EPHB1: variants seen among roughly 807,000 people sequenced by gnomAD.
The protein encoded by EPHB1 is ephrin type-B receptor 1.
In EPHB1, 30 loss-of-function variants were observed where a neutral mutation model predicts 94.4. The observed-to-expected ratio is 0.32, with a 90% confidence interval of 0.24 to 0.43. The LOEUF is 0.43. Among genes scored for constraint, EPHB1 ranks in the 20% least tolerant of loss-of-function variants. EPHB1 has a pLI of 1.00. For missense variants in EPHB1, 1,055 were observed against 1,308.3 expected (o/e 0.81, Z 2.99); for synonymous variants, 522 against 489.1 (o/e 1.07, Z -0.89).
In EPHB1 at chr3:134,952,044, C is replaced by T. The variant is rs1432628958; in HGVS notation, c.797C>T (p.Ala266Val). Residue 266 changes from alanine (A) to valine (V), a missense_variant, in exon 3 of 16, where the codon GCA becomes GTA. Ala to Val is a moderately conservative substitution (Grantham distance 64). Transcript: ENST00000398015. The stretch of plus-strand genomic sequence containing the variant: ...GGCTATGAGCCTGAGAACAGCGTGG[C>T]ATGCAAGGGTAAGCTTTGGAGCCTC... ...KPGYEPENSV[A>V]CKACPAGTFK... 1 of 1,601,798 alleles carries T rather than the reference C, an allele frequency of 6.2e-7. No homozygotes were observed. The highest frequency in any genetic ancestry group is 8.5e-7 in the Non-Finnish European group (1 of 1,171,768).
chr3:135,041,095 C>T (rs1029539754), intron 3 of EPHB1, among the ~76,000 whole-genome samples: 1 of 152,200 alleles, frequency 6.6e-6, no homozygotes, highest in Non-Finnish European at 1.5e-5. Flanking sequence ...CCTGGGGCCT[C>T]TTCCCTGGGC....
intron 10 of EPHB1, among the ~76,000 whole-genome samples, chr3:135,182,883 G>A (rs1252896640): frequency 6.6e-6 from 1 of 152,124 alleles, no homozygotes; most frequent in Non-Finnish European, 1.5e-5. Flanking sequence ...CTTGACATCA[G>A]CCATAGTAGA....
At chr3:135,065,669 A>G (rs1456098807) in intron 3 of EPHB1, among the ~76,000 whole-genome samples, 13 of 152,224 alleles carry the variant, frequency 8.5e-5, no homozygotes, top group Non-Finnish European at 1.9e-4. Context: ...TAAGTGGAGC[A>G]TTTAGACCAT....
chr3:134,977,919 A>G (rs1215502866), intron 3 of EPHB1: 2 of 453,642 alleles, frequency 4.4e-6, no homozygotes, highest in South Asian at 1.6e-5. Flanking sequence ...GAGAGAATGG[A>G]AGGAGGCACT....
rs1263952657 is a variant in EPHB1 at position 135,259,329 on chromosome 3, A to G, written c.*209A>G. 1 of 395,882 alleles carries G rather than the reference A, an allele frequency of 2.5e-6. No homozygotes were observed. Among genetic ancestry groups the G allele is most frequent in the African/African-American group, 2.0e-5 (1 of 49,210 alleles). The allele number at this position is 395,882 out of a possible 1,614,324, so 24.5% of individuals were successfully genotyped here. ...TGTTTGAGATGCCGTGGGAAACCAA[A>G]TATATAATAATAAAAATATAAAAAG... is the stretch of plus-strand genomic sequence containing the variant. On this transcript the variant is annotated 3_prime_UTR_variant, in exon 16 of 16. Coordinates refer to ENST00000398015, the MANE Select transcript of EPHB1 (RefSeq NM_004441.5).
At chr3:134,892,047 C>G (rs1232384941) in intron 1 of EPHB1, among the ~76,000 whole-genome samples, 2 of 152,200 alleles carry the variant, frequency 1.3e-5, no homozygotes, top group Non-Finnish European at 2.9e-5. Context: ...CAGATCCTCT[C>G]CAAACTTTTG....
chr3:134,974,316 C>T (rs1415970833), intron 3 of EPHB1, among the ~76,000 whole-genome samples: 1 of 151,990 alleles, frequency 6.6e-6, no homozygotes, highest in Non-Finnish European at 1.5e-5. Flanking sequence ...GCCAGACTGC[C>T]TGGGTTGGAA....
intron 1 of EPHB1, among the ~76,000 whole-genome samples, chr3:134,843,919 C>T (rs2036821491): frequency 6.6e-6 from 1 of 151,988 alleles, no homozygotes; most frequent in South Asian, 2.1e-4. Context: ...TGATTGCTTT[C>T]TTTCTTGAGT....
chr3:135,164,769 ACTGCACTCCACC>A lies in EPHB1; in HGVS notation c.1586-1195_1586-1184del, dbSNP rs1941603045. On this transcript the variant is annotated intron_variant, in intron 7 of 15. Transcript: ENST00000398015. ...GGTTACAGTGAGCCAAGATTGTGCC[ACTGCACTCCACC>A]CTGGGTGACAGAGCAAGACTGTCTC... 2.1e-5 allele frequency among the ~76,000 whole-genome samples: 3 copies of A among 142,738 alleles called. No homozygotes were observed. In the Admixed American group the frequency reaches 2.3e-4, roughly 11 times the overall value. The allele number at this position is 142,738 out of a possible 152,430, so 93.6% of individuals were successfully genotyped here. A position where few individuals can be genotyped will look rare whatever the true frequency, so the allele number is the denominator to read the frequency against.
chr3:135,032,626 G>A (rs192877567), intron 3 of EPHB1, among the ~76,000 whole-genome samples: 2 of 152,298 alleles, frequency 1.3e-5, no homozygotes, highest in Non-Finnish European at 2.9e-5. Flanking sequence ...GTGAGTGGCG[G>A]GGGCTGATTG....
chr3:134,834,207 A>T (rs62272428), intron 1 of EPHB1, among the ~76,000 whole-genome samples: 1 of 152,156 alleles, frequency 6.6e-6, no homozygotes, highest in Non-Finnish European at 1.5e-5. Flanking sequence ...TTTTGTTCAG[A>T]CATATCCCAA....
chr3:135,012,557 G>A (rs927852761), intron 3 of EPHB1, among the ~76,000 whole-genome samples: 21 of 152,232 alleles, frequency 1.4e-4, no homozygotes, highest in African/African-American at 5.1e-4. Flanking sequence ...GAGAGCTTCA[G>A]AAAAACTTCA....
intron 1 of EPHB1, among the ~76,000 whole-genome samples, chr3:134,831,483 C>T (rs1477565578): frequency 1.3e-5 from 2 of 152,208 alleles, no homozygotes; most frequent in African/African-American, 4.8e-5. Flanking sequence ...ACCTTTCTGC[C>T]CTGTCTGATT....
intron 15 of EPHB1, among the ~76,000 whole-genome samples, chr3:135,249,866 C>G (rs866759360): frequency 6.6e-6 from 1 of 152,234 alleles, no homozygotes; most frequent in African/African-American, 2.4e-5. Flanking sequence ...GATTCAGCAA[C>G]AGTCTGAGAT....
At chr3:134,903,658 G>T (rs1234755280) in intron 1 of EPHB1, among the ~76,000 whole-genome samples, 5 of 152,144 alleles carry the variant, frequency 3.3e-5, no homozygotes, top group Non-Finnish European at 7.4e-5. Flanking sequence ...CCTGGACCAG[G>T]TTTTATTCTA....
At chr3:135,182,379 A>AT (rs1411617741) in intron 10 of EPHB1, among the ~76,000 whole-genome samples, 2 of 151,996 alleles carry the variant, frequency 1.3e-5, no homozygotes, top group Non-Finnish European at 2.9e-5. Flanking sequence ...TTCTTCCTTT[A>AT]TTTTTTTCTC....
At chr3:135,029,290 C>A (rs9681302) in intron 3 of EPHB1, among the ~76,000 whole-genome samples, 1 of 151,618 alleles carries the variant, frequency 6.6e-6, no homozygotes, top group East Asian at 1.9e-4. Context: ...TCATTTTGCT[C>A]GTTAGTTGAT....
rs1407348858 is a variant in EPHB1, at chr3:134,860,142, A to G, written c.58+64453A>G. Among the ~76,000 whole-genome samples the G allele has an allele frequency of 6.7e-5, 4 of 59,272 alleles. No individual in the cohort carries two copies. In the South Asian group the frequency reaches 1.4e-3, roughly 21 times the overall value. 38.9% of individuals were successfully genotyped at this position (59,272 alleles called of 152,430 possible). On this transcript the variant is annotated intron_variant, in intron 1 of 15. Transcript: ENST00000398015. ...GTCATATTCAGCTGTAACAAAAGAGAAGGAAGGGACACACACACACACACA... is the reference window on the plus strand; with the variant it reads ...GTCATATTCAGCTGTAACAAAAGAGGAGGAAGGGACACACACACACACACA...
intron 1 of EPHB1, among the ~76,000 whole-genome samples, chr3:134,870,926 AGCTTCCTCTT>A (rs920643225): frequency 2.3e-4 from 35 of 152,278 alleles, no homozygotes; most frequent in African/African-American, 8.2e-4. Flanking sequence ...AGAGTCCCAA[AGCTTCCTCTT>A]GTCTTTCAAG....
Sources: gnomAD v4.1 joint callset for allele counts (sites outside exome capture counted in the v4.1 genomes callset) on GRCh38, gnomAD v4.1.1 for gene constraint, MANE v1.5 for transcripts, NCBI Gene and HGNC (gene_info 2026-07-23, HGNC 2026-07-21) for gene names.